The following ALPG variants were observed in gnomAD, a reference collection of about 807,000 sequenced individuals.
ALPG encodes the protein alkaline phosphatase, germ cell type.
A neutral mutation model predicts 48.6 loss-of-function variants in ALPG; 32 were observed. The observed-to-expected ratio is 0.66, with a 90% confidence interval of 0.50 to 0.88. The LOEUF (loss-of-function observed/expected upper bound fraction) is 0.88, where lower values mean the gene tolerates loss of function less well. ALPG is among the 40% of genes least tolerant of loss of function. ALPG has a pLI of 0.00. For synonymous variants in ALPG, 244 were observed against 308.9 expected (o/e 0.79, Z 2.20); for missense variants, 533 against 718.1 (o/e 0.74, Z 2.95).
At position 232,407,870 on chromosome 2, in the gene ALPG, C is replaced by G. The variant is rs758606866; in HGVS notation, c.501C>G (p.Thr167=). The change falls in exon 5 of 11, where the codon ACC becomes ACG. Residue 167 remains threonine (T), a synonymous_variant. Coordinates refer to ENST00000295453, the MANE Select transcript of ALPG (RefSeq NM_031313.3). ...GAAAGTCAGTGGGAGTGGTAACCACCACACGGGTGCAGCATGCCTCGCCAG... is the reference window on the plus strand; with the variant it reads ...GAAAGTCAGTGGGAGTGGTAACCACGACACGGGTGCAGCATGCCTCGCCAG... The part of the protein sequence containing the change: ...KAGKSVGVVT[T]TRVQHASPAG... 6.2e-7 allele frequency: 1 copy of G among 1,613,486 alleles called. No homozygotes were observed. Among genetic ancestry groups the G allele is most frequent in the Non-Finnish European group, 8.5e-7 (1 of 1,180,016 alleles).
rs1475082418 is a variant in ALPG at position 232,407,400 on chromosome 2, AG to A, written c.300+1del. On this transcript the variant is annotated frameshift_variant and splice_region_variant, in exon 3 of 11. Transcript: ENST00000295453. LOFTEE classifies it high-confidence loss of function. ...MDRFPYVALS[K>X]TYSVDKHVPD... Reference sequence around the variant, plus strand: ...CGCTTCCCGTACGTGGCTCTGTCCAAGGTAAGTGCTGGGCTACCTTAGAGTC... The same window carrying A: ...CGCTTCCCGTACGTGGCTCTGTCCAAGTAAGTGCTGGGCTACCTTAGAGTC... The A allele has an allele frequency of 6.2e-7, 1 of 1,613,582 alleles. No individual in the cohort carries two copies. The highest frequency in any genetic ancestry group is 2.2e-5 in the East Asian group (1 of 44,892).
intron 9 of ALPG, 35 bp from the exon 10 acceptor site, chr2:232,409,297 G>T: frequency 7.5e-7 from 1 of 1,337,906 alleles, no homozygotes; most frequent in Non-Finnish European, 1.1e-6. Flanking sequence ...CCACAGCTGT[G>T]TTCAGCTCAA....
Position 232,407,961 on chromosome 2 carries a change from C to G in ALPG, c.592C>G (p.Arg198Gly), listed in dbSNP as rs766272646. ...GGATGCCGACGTGCCTGCCTCGGCCCGCCAGGAGGGGTGCCAGGACATCGC... is the reference window on the plus strand; with the variant it reads ...GGATGCCGACGTGCCTGCCTCGGCCGGCCAGGAGGGGTGCCAGGACATCGC... ...YSDADVPASA[R>G]QEGCQDIATQ... Residue 198 changes from arginine (R) to glycine (G), a missense_variant, in exon 5 of 11, where the codon CGC (arginine) becomes GGC (glycine). Physicochemically the swap from Arg to Gly is moderately radical, Grantham distance 125 (BLOSUM62 -2). Around this residue, in one of 6 missense-constraint regions of ALPG, gnomAD observed 315 missense variants for 305.8 expected, o/e 1.03. Coordinates refer to ENST00000295453, the MANE Select transcript of ALPG (RefSeq NM_031313.3). 5.0e-6 allele frequency: 8 copies of G among 1,613,162 alleles called. No homozygotes were observed. Among genetic ancestry groups the G allele is most frequent in the Admixed American group, 1.7e-5 (1 of 60,012 alleles).
rs2106391900 is a variant in ALPG at position 232,409,847 on chromosome 2, T to G, written c.1574T>G (p.Leu525Arg). Residue 525 changes from leucine (L) to arginine (R), a missense_variant, in exon 11 of 11, where the codon CTG (leucine) becomes CGG (arginine). Around this residue, in one of 6 missense-constraint regions of ALPG, gnomAD observed 145 missense variants for 174.3 expected, o/e 0.83. Coordinates refer to ENST00000295453, the MANE Select transcript of ALPG (RefSeq NM_031313.3). ...LLPLLAGTLLLLGTATAP is the reference protein window; with the variant it reads ...LLPLLAGTLLRLGTATAP ...CCTCTGCTGGCAGGGACCTTGCTGC[T>G]GCTGGGGACGGCCACTGCTCCCTGA... 6.3e-7 allele frequency: 1 copy of G among 1,581,988 alleles called. No homozygotes were observed. Among genetic ancestry groups the G allele is most frequent in the East Asian group, 2.3e-5 (1 of 44,078 alleles).
rs755941363 is a variant in ALPG, at chr2:232,407,866, C to A, written c.497C>A (p.Thr166Asn). 1 of 1,613,420 alleles carries A rather than the reference C, an allele frequency of 6.2e-7. No individual in the cohort carries two copies. Among genetic ancestry groups the A allele is most frequent in the African/African-American group, 1.3e-5 (1 of 74,938 alleles). ...KKAGKSVGVV[T>N]TTRVQHASPA... ...TCAGGAAAGTCAGTGGGAGTGGTAA[C>A]CACCACACGGGTGCAGCATGCCTCG... Residue 166 changes from threonine (T) to asparagine (N), a missense_variant, in exon 5 of 11, where the codon ACC becomes AAC. Transcript: ENST00000295453.
rs1009934 is a variant in ALPG at position 232,410,170 on chromosome 2, C to G, written c.*298C>G. On this transcript the variant is annotated 3_prime_UTR_variant, in exon 11 of 11. Coordinates refer to ENST00000295453, the MANE Select transcript of ALPG (RefSeq NM_031313.3). Reference sequence around the variant, plus strand: ...CAGACCATCCAGCCCCCGCCCATATCCTGAGGTGGATCAGGCAGGCTCTCT... The same window carrying G: ...CAGACCATCCAGCCCCCGCCCATATGCTGAGGTGGATCAGGCAGGCTCTCT... 45,897 of 518,408 alleles carry G rather than the reference C, an allele frequency of 0.089. 2,425 individuals carry two copies. The highest frequency in any genetic ancestry group is 0.22 in the East Asian group (6,350 of 29,156). The allele number at this position is 518,408 out of a possible 1,614,324, so 32.1% of individuals were successfully genotyped here. A position where few individuals can be genotyped will look rare whatever the true frequency, so the allele number is the denominator to read the frequency against.
At chr2:232,406,992 A>G (rs1260371561) in intron 1 of ALPG, 31 bp downstream of exon 1, 3 of 1,568,700 alleles carry the variant, frequency 1.9e-6, no homozygotes, top group Non-Finnish European at 1.8e-6. Flanking sequence ...GCCCCTACAC[A>G]CACACACACA....
chr2:232,408,162 G>C, intron 5 of ALPG, 105 bp from the exon 6 acceptor site: 1 of 1,578,738 alleles, frequency 6.3e-7, no homozygotes. Flanking sequence ...GCCCAGGCTG[G>C]GCCATTCCCA....
In ALPG at chr2:232,409,797, G is replaced by C; in HGVS notation, c.1524G>C (p.Gly508=). 3.1e-6 allele frequency: 5 copies of C among 1,596,036 alleles called. No homozygotes were observed. The highest frequency in any genetic ancestry group is 4.3e-6 in the Non-Finnish European group (5 of 1,172,800). ...RAGTTDAAHP[G]PSVVPALLPL... ...GCACCACCGACGCCGCGCACCCGGG[G>C]CCGTCCGTGGTCCCCGCGTTGCTTC... Residue 508 remains glycine, a synonymous_variant, in exon 11 of 11, where the codon GGG becomes GGC. Coordinates refer to ENST00000295453, the MANE Select transcript of ALPG (RefSeq NM_031313.3).
rs534297710 is a variant in ALPG, at chr2:232,407,166, G to A, written c.177G>A (p.Leu59=). ...CCGCCAAGAACCTCATCATCTTCCT[G>A]GGTGACGGTGAGTGAGCCAGGCCTT... ...QTAAKNLIIF[L]GDGMGVSTVT... is the part of the protein sequence containing the mutation. The change falls in exon 2 of 11, where the codon CTG becomes CTA. Residue 59 remains leucine (L), a synonymous_variant. Coordinates refer to ENST00000295453, the MANE Select transcript of ALPG (RefSeq NM_031313.3). The A allele has an allele frequency of 6.2e-6, 10 of 1,613,964 alleles. No homozygotes were observed. In the East Asian group the frequency reaches 2.2e-4, roughly 36 times the overall value.
rs758750585 is a variant in ALPG at position 232,407,997 on chromosome 2, A to G, written c.628A>G (p.Ile210Val). ...GTGCCAGGACATCGCCACGCAGCTC[A>G]TCTCCAACATGGACATTGATGTGCG... ...EGCQDIATQLISNMDIDVILG... is the reference protein window; with the variant it reads ...EGCQDIATQLVSNMDIDVILG... The change falls in exon 5 of 11, where the codon ATC becomes GTC. Residue 210 changes from isoleucine to valine, a missense_variant. Ile to Val is a conservative substitution (Grantham distance 29). Around this residue, in one of 6 missense-constraint regions of ALPG, gnomAD observed 315 missense variants for 305.8 expected, o/e 1.03. Transcript: ENST00000295453. 20 of 1,612,162 alleles carry G rather than the reference A, an allele frequency of 1.2e-5. No individual in the cohort carries two copies. The highest frequency in any genetic ancestry group is 1.7e-5 in the Non-Finnish European group (20 of 1,179,518).
intron 5 of ALPG, 46 bp downstream of exon 5, chr2:232,408,063 G>A (rs758805699): frequency 3.8e-5 from 60 of 1,583,702 alleles, no homozygotes; most frequent in Non-Finnish European, 5.1e-5. Flanking sequence ...AGAGTAGCAG[G>A]GAGGGGGCAC....
In ALPG at chr2:232,407,744, G is replaced by T. The variant is rs372574780; in HGVS notation, c.451G>T (p.Val151Leu). The T allele has an allele frequency of 4.3e-6, 7 of 1,613,698 alleles. No individual in the cohort carries two copies. The African/African-American group carries it at 9.3e-5, about 22-fold the overall frequency. Residue 151 changes from valine (V) to leucine (L), a missense_variant, in exon 4 of 11, where the codon GTG becomes TTG. Physicochemically the swap from Val to Leu is conservative, Grantham distance 32. This residue lies in a region of ALPG where 315 missense variants were observed against 305.8 expected (regional missense o/e 1.03). Transcript: ENST00000295453. ...GACACGCGGCAACGAGGTCATCTCCGTGATGAATCGGGCCAAGAAAGCAGG... is the reference window on the plus strand; with the variant it reads ...GACACGCGGCAACGAGGTCATCTCCTTGATGAATCGGGCCAAGAAAGCAGG... ...NTTRGNEVIS[V>L]MNRAKKAGKS...
In ALPG at chr2:232,408,526, C is replaced by T; in HGVS notation, c.809C>T (p.Thr270Ile). Residue 270 changes from threonine (T) to isoleucine (I), a missense_variant, in exon 7 of 11, where the codon ACT becomes ATT. Coordinates refer to ENST00000295453, the MANE Select transcript of ALPG (RefSeq NM_031313.3). ...GGTGCCCGGTACGTGTGGAACCGCA[C>T]TGAGCTCCTGCAGGCTTCCCTGGAC... is the stretch of plus-strand genomic sequence containing the variant. Reference protein sequence around the residue: ...HQGARYVWNRTELLQASLDPS... With the variant: ...HQGARYVWNRIELLQASLDPS... 2 of 1,564,158 alleles carry T rather than the reference C, an allele frequency of 1.3e-6. No individual in the cohort carries two copies. The highest frequency in any genetic ancestry group is 1.8e-6 in the Non-Finnish European group (2 of 1,141,320).
rs1221490063 is a variant in ALPG, at chr2:232,409,976, C to G, written c.*104C>G. ...CACCTGGAGCTGTCACCCCCGGAGTCGCCACACAGACGTCCTGCCATGGAA... is the reference window on the plus strand; with the variant it reads ...CACCTGGAGCTGTCACCCCCGGAGTGGCCACACAGACGTCCTGCCATGGAA... On this transcript the variant is annotated 3_prime_UTR_variant, in exon 11 of 11. Transcript: ENST00000295453. The G allele has an allele frequency of 1.4e-6, 2 of 1,436,452 alleles. No individual in the cohort carries two copies. The highest frequency in any genetic ancestry group is 2.7e-5 in the Admixed American group (1 of 37,610). The allele number at this position is 1,436,452 out of a possible 1,614,324, so 89.0% of individuals were successfully genotyped here.
At chr2:232,409,482 C>G in intron 10 of ALPG, 34 bp downstream of exon 10, 2 of 1,600,770 alleles carry the variant, frequency 1.2e-6, no homozygotes, top group Non-Finnish European at 8.5e-7. Context: ...TGAGGGGGAC[C>G]AGGGTGCCAA....
At position 232,410,712 on chromosome 2, in the gene ALPG, T is replaced by C. The variant is rs1276924549; in HGVS notation, c.*840T>C. On this transcript the variant is annotated 3_prime_UTR_variant, in exon 11 of 11. Coordinates refer to ENST00000295453, the MANE Select transcript of ALPG (RefSeq NM_031313.3). Reference sequence around the variant, plus strand: ...TAATAAAAGGAAGTGTTAGACAATGTAATGCCAGTACTACTTCCTAGCATA... The same window carrying C: ...TAATAAAAGGAAGTGTTAGACAATGCAATGCCAGTACTACTTCCTAGCATA... The C allele has an allele frequency of 6.6e-6, 1 of 152,298 alleles. No homozygotes were observed. The highest frequency in any genetic ancestry group is 1.5e-5 in the Non-Finnish European group (1 of 68,086). The allele number at this position is 152,298 out of a possible 1,614,324, so 9.4% of individuals were successfully genotyped here.
At position 232,409,865 on chromosome 2, in the gene ALPG, C is replaced by T. The variant is rs1196728284; in HGVS notation, c.1592C>T (p.Ala531Val). ...TTGCTGCTGCTGGGGACGGCCACTG[C>T]TCCCTGAGTGTCCCGTCCCTGGGGC... Reference protein sequence around the residue: ...GTLLLLGTATAP With the variant: ...GTLLLLGTATVP The change falls in exon 11 of 11, where the codon GCT becomes GTT. Residue 531 changes from alanine (A) to valine (V), a missense_variant. By Grantham distance (64) the Ala-to-Val change is moderately conservative. Coordinates refer to ENST00000295453, the MANE Select transcript of ALPG (RefSeq NM_031313.3). 2.5e-6 allele frequency: 4 copies of T among 1,570,246 alleles called. No individual in the cohort carries two copies. The highest frequency in any genetic ancestry group is 3.4e-6 in the Non-Finnish European group (4 of 1,162,924).
chr2:232,408,054 G>T (rs1276878721), intron 5 of ALPG, 37 bp downstream of exon 5: 1 of 1,586,764 alleles, frequency 6.3e-7, no homozygotes, highest in African/African-American at 1.3e-5. Context: ...GCTGGGCAGA[G>T]AGTAGCAGGG....
Sources: allele counts gnomAD v4.1 joint callset, GRCh38; gene constraint gnomAD v4.1.1; regional missense constraint gnomAD v4.1.1; transcripts MANE v1.5; gene names NCBI Gene and HGNC (gene_info 2026-07-23, HGNC 2026-07-21).